CNTNAP2: variants seen among roughly 807,000 people sequenced by gnomAD.
CNTNAP2 encodes the protein contactin associated protein 2.
A neutral mutation model predicts 155.2 loss-of-function variants in CNTNAP2; 98 were observed. That is an observed-to-expected ratio of 0.63 (90% CI 0.54 to 0.75). The LOEUF (loss-of-function observed/expected upper bound fraction) is 0.75. CNTNAP2 is among the 30% of genes least tolerant of loss of function. CNTNAP2 has a pLI of 0.00. For missense variants in CNTNAP2, 1,727 were observed against 1,688.1 expected (o/e 1.02, Z -0.40); for synonymous variants, 651 against 631.2 (o/e 1.03, Z -0.47).
intron 1 of CNTNAP2, among the ~76,000 whole-genome samples, chr7:146,376,526 CT>C (rs1795306231): frequency 6.6e-6 from 1 of 152,104 alleles, no homozygotes; most frequent in South Asian, 2.1e-4. Context: ...ATCAAAACTT[CT>C]TGTAAGAGTT....
intron 18 of CNTNAP2, 99 bp downstream of exon 18, chr7:148,172,577 C>A: frequency 9.0e-7 from 1 of 1,112,654 alleles, no homozygotes. Context: ...GTACCTTATT[C>A]TGAGGTTAAG....
chr7:146,173,169 C>A (rs898821119), intron 1 of CNTNAP2, among the ~76,000 whole-genome samples: 6 of 152,072 alleles, frequency 3.9e-5, no homozygotes, highest in Admixed American at 2.0e-4. Flanking sequence ...GAATTACGTG[C>A]AGAGAACTTT....
At chr7:147,811,418 A>G (rs1290380311) in intron 13 of CNTNAP2, among the ~76,000 whole-genome samples, 1 of 152,054 alleles carries the variant, frequency 6.6e-6, no homozygotes, top group East Asian at 1.9e-4. Context: ...TTTTTAAAGA[A>G]GAGCAGTTTC....
At chr7:148,257,586 G>C (rs902406686) in intron 20 of CNTNAP2, among the ~76,000 whole-genome samples, 1 of 152,174 alleles carries the variant, frequency 6.6e-6, no homozygotes, top group Non-Finnish European at 1.5e-5. Flanking sequence ...CGCAGGGCTT[G>C]GCAATGTAGG....
chr7:146,394,272 C>T (rs948853527), intron 1 of CNTNAP2, among the ~76,000 whole-genome samples: 2 of 151,938 alleles, frequency 1.3e-5, no homozygotes, highest in Non-Finnish European at 2.9e-5. Flanking sequence ...AACAAAGGAG[C>T]GCTAGGGGAG....
chr7:146,766,506 T>C (rs1802197316), intron 1 of CNTNAP2, among the ~76,000 whole-genome samples: 1 of 152,176 alleles, frequency 6.6e-6, no homozygotes, highest in South Asian at 2.1e-4. Context: ...GAAGTCACTA[T>C]AGAAACCATT....
chr7:146,937,125 T>C lies in CNTNAP2; in HGVS notation c.402+97221T>C, dbSNP rs558492605. Among the ~76,000 whole-genome samples the C allele has an allele frequency of 5.3e-4, 80 of 152,138 alleles. 1 individual carries two copies. The highest frequency in any genetic ancestry group is 6.2e-4 in the South Asian group (3 of 4,828). On this transcript the variant is annotated intron_variant, in intron 3 of 23. Coordinates refer to ENST00000361727, the MANE Select transcript of CNTNAP2 (RefSeq NM_014141.6). Reference sequence around the variant, plus strand: ...AAAACCGGCCGGGCGCAGTGGCTCATGCCTGTAATCTCAGCACTTTGGGAG... The same window carrying C: ...AAAACCGGCCGGGCGCAGTGGCTCACGCCTGTAATCTCAGCACTTTGGGAG...
chr7:147,822,949 T>TTTG (rs1260709551), intron 13 of CNTNAP2, among the ~76,000 whole-genome samples: 1 of 152,216 alleles, frequency 6.6e-6, no homozygotes, highest in African/African-American at 2.4e-5. Flanking sequence ...ACAGAAAATA[T>TTTG]CATTTTATCA....
chr7:147,873,286 T>G (rs1799359813), intron 13 of CNTNAP2, among the ~76,000 whole-genome samples: 1 of 152,194 alleles, frequency 6.6e-6, no homozygotes, highest in Non-Finnish European at 1.5e-5. Flanking sequence ...AATATAAAAT[T>G]GTATTAGTCC....
At chr7:146,492,100 A>AAAAC (rs1018820617) in intron 1 of CNTNAP2, among the ~76,000 whole-genome samples, 2 of 152,286 alleles carry the variant, frequency 1.3e-5, no homozygotes, top group South Asian at 2.1e-4. Flanking sequence ...AACGTGAGTA[A>AAAAC]AAACAAACAA....
At chr7:147,129,874 A>G (rs572015256) in intron 7 of CNTNAP2, among the ~76,000 whole-genome samples, 2 of 152,324 alleles carry the variant, frequency 1.3e-5, no homozygotes, top group Non-Finnish European at 2.9e-5. Context: ...TATACTAGAA[A>G]TTAAAACTTG....
chr7:146,923,300 G>A (rs991377390), intron 3 of CNTNAP2, among the ~76,000 whole-genome samples: 1 of 152,126 alleles, frequency 6.6e-6, no homozygotes, highest in Admixed American at 6.6e-5. Context: ...CTTAACACAT[G>A]TTCACTGAGT....
chr7:147,016,562 C>T (rs1393726886), intron 3 of CNTNAP2, among the ~76,000 whole-genome samples: 2 of 151,980 alleles, frequency 1.3e-5, no homozygotes, highest in African/African-American at 4.8e-5. Context: ...GAGTTGCAAA[C>T]TCTTGAAGGC....
At chr7:147,629,066 A>G (rs533959209) in intron 12 of CNTNAP2, among the ~76,000 whole-genome samples, 1 of 152,192 alleles carries the variant, frequency 6.6e-6, no homozygotes. Context: ...TACTCCTCTG[A>G]CAGCACTAGA....
intron 8 of CNTNAP2, among the ~76,000 whole-genome samples, chr7:147,199,241 C>T (rs992025334): frequency 6.6e-6 from 1 of 151,836 alleles, no homozygotes; most frequent in Non-Finnish European, 1.5e-5. Context: ...GGATTACAGG[C>T]GTGAGCCACC....
At chr7:146,302,288 T>C (rs1401754267) in intron 1 of CNTNAP2, among the ~76,000 whole-genome samples, 1 of 152,184 alleles carries the variant, frequency 6.6e-6, no homozygotes, top group East Asian at 1.9e-4. Flanking sequence ...TAAAAATATT[T>C]AGACAATCGC....
chr7:147,900,301 G>A (rs1799846647), intron 13 of CNTNAP2, among the ~76,000 whole-genome samples: 2 of 152,154 alleles, frequency 1.3e-5, no homozygotes, highest in African/African-American at 4.8e-5. Context: ...TTGGTGGGAG[G>A]TGACTGGATC....
intron 9 of CNTNAP2, among the ~76,000 whole-genome samples, chr7:147,309,791 TTA>T (rs1475067915): frequency 2.6e-5 from 4 of 152,138 alleles, no homozygotes; most frequent in Non-Finnish European, 4.4e-5. Context: ...TATAGGTAAA[TTA>T]TGTCTCATGG....
At chr7:146,213,521 T>C (rs908762887) in intron 1 of CNTNAP2, among the ~76,000 whole-genome samples, 2 of 152,218 alleles carry the variant, frequency 1.3e-5, no homozygotes, top group African/African-American at 2.4e-5. Context: ...ATATGTGAGA[T>C]TGTTGTATGT....
Sources: allele counts gnomAD v4.1 joint callset (sites outside exome capture counted in the v4.1 genomes callset), GRCh38; gene constraint gnomAD v4.1.1; transcripts MANE v1.5; gene names NCBI Gene and HGNC (gene_info 2026-07-23, HGNC 2026-07-21).